PHLDB2: variants seen among roughly 807,000 people sequenced by gnomAD.
PHLDB2 encodes pleckstrin homology-like domain family B member 2.
A neutral mutation model predicts 123.6 loss-of-function variants in PHLDB2; 71 were observed. The observed-to-expected ratio is 0.57, with a 90% confidence interval of 0.47 to 0.70. PHLDB2 has a LOEUF of 0.70. Ranked by LOEUF, PHLDB2 falls within the 30% of genes least tolerant of loss-of-function variation. The pLI, the probability that PHLDB2 is intolerant of heterozygous loss-of-function variation, is 0.00. For synonymous variants in PHLDB2, 547 were observed against 541.6 expected (o/e 1.01, Z -0.14); for missense variants, 1,446 against 1,519.5 (o/e 0.95, Z 0.80).
chr3:111,938,249 T>TA (rs1374660257), intron 6 of PHLDB2, among the ~76,000 whole-genome samples: 1 of 152,274 alleles, frequency 6.6e-6, no homozygotes, highest in East Asian at 1.9e-4. Flanking sequence ...CAGCAGAACT[T>TA]ACAGACATTT....
At chr3:111,814,424 C>G (rs1039881609) in intron 1 of PHLDB2, among the ~76,000 whole-genome samples, 23 of 152,130 alleles carry the variant, frequency 1.5e-4, no homozygotes, top group Admixed American at 1.4e-3. Context: ...CTCCTTGCTC[C>G]TGAACTTGAA....
intron 1 of PHLDB2, among the ~76,000 whole-genome samples, chr3:111,774,460 GC>G (rs780026992): frequency 1.3e-4 from 20 of 152,208 alleles, no homozygotes; most frequent in Non-Finnish European, 2.5e-4. Flanking sequence ...AGGGATGCGA[GC>G]CCCGAGTGGC....
chr3:111,885,062 C>T lies in PHLDB2; in HGVS notation c.985C>T (p.Leu329Phe). The change falls in exon 2 of 18, where the codon CTC becomes TTC. Residue 329 changes from leucine (L) to phenylalanine (F), a missense_variant. Around this residue, in one of 3 missense-constraint regions of PHLDB2, gnomAD observed 832 missense variants for 831.9 expected, o/e 1.00. Transcript: ENST00000431670. ...AGGCAATCCTTATGTAAGTTCTACC[C>T]TCAGTGTCCCTGCCAGTCCACGAGT... is the stretch of plus-strand genomic sequence containing the variant. ...SEGNPYVSST[L>F]SVPASPRVAR... 2 of 1,614,210 alleles carry T rather than the reference C, an allele frequency of 1.2e-6. No individual in the cohort carries two copies. Among genetic ancestry groups the T allele is most frequent in the Admixed American group, 1.7e-5 (1 of 60,024 alleles).
intron 1 of PHLDB2, among the ~76,000 whole-genome samples, chr3:111,844,627 C>T (rs533817535): frequency 3.7e-4 from 57 of 152,274 alleles, no homozygotes; most frequent in Non-Finnish European, 6.3e-4. Flanking sequence ...ATTTTTCTAC[C>T]TCCAATTCTG....
chr3:111,898,162 T>TGTGTGTG (rs2066976800), intron 2 of PHLDB2, among the ~76,000 whole-genome samples: 2 of 135,980 alleles, frequency 1.5e-5, no homozygotes, highest in East Asian at 4.6e-4. Context: ...GGCAATTTCT[T>TGTGTGTG]TGTGTGTGTG....
At chr3:111,828,125 T>C (rs2108451952) in intron 1 of PHLDB2, among the ~76,000 whole-genome samples, 1 of 152,316 alleles carries the variant, frequency 6.6e-6, no homozygotes, top group Middle Eastern at 3.4e-3. Context: ...TGAGGTCAGC[T>C]AGCTCTCAAC....
At chr3:111,956,387 A>G (rs1406824001) in intron 12 of PHLDB2, among the ~76,000 whole-genome samples, 2 of 152,202 alleles carry the variant, frequency 1.3e-5, no homozygotes, top group Non-Finnish European at 2.9e-5. Context: ...AGTAATGGGA[A>G]TCCCATGCCA....
intron 1 of PHLDB2, among the ~76,000 whole-genome samples, chr3:111,752,258 G>A (rs370024082): frequency 6.7e-6 from 1 of 148,418 alleles, no homozygotes; most frequent in Non-Finnish European, 1.5e-5. Flanking sequence ...CTGTGTGTGT[G>A]TGTGTGTGCA....
At chr3:111,959,538 A>G (rs2071264216) in intron 12 of PHLDB2, among the ~76,000 whole-genome samples, 1 of 152,356 alleles carries the variant, frequency 6.6e-6, no homozygotes, top group African/African-American at 2.4e-5. Context: ...TGGGAGATTC[A>G]GTCGTAGAGT....
chr3:111,920,552 G>A, intron 5 of PHLDB2, 133 bp downstream of exon 5: 9 of 1,124,554 alleles, frequency 8.0e-6, no homozygotes, highest in Non-Finnish European at 9.8e-6. Flanking sequence ...TGGCACTAGA[G>A]AAAAATCCTA....
Position 111,967,835 on chromosome 3 carries a change from C to T in PHLDB2, c.3315+11C>T, listed in dbSNP as rs2071876074. On this transcript the variant is annotated intron_variant, in intron 15 of 17. Coordinates refer to ENST00000431670, the MANE Select transcript of PHLDB2 (RefSeq NM_001134438.2). ...AGACAAAGGGCACAGGTTGGTCGGTCAATCTGAATGCATATGGGCAGGTTG... is the reference window on the plus strand; with the variant it reads ...AGACAAAGGGCACAGGTTGGTCGGTTAATCTGAATGCATATGGGCAGGTTG... The T allele has an allele frequency of 6.2e-7, 1 of 1,601,856 alleles. No homozygotes were observed. The highest frequency in any genetic ancestry group is 2.2e-5 in the East Asian group (1 of 44,784).
intron 5 of PHLDB2, among the ~76,000 whole-genome samples, chr3:111,921,635 A>G (rs112650557): frequency 8.0e-6 from 1 of 125,092 alleles, no homozygotes; most frequent in African/African-American, 3.1e-5. Flanking sequence ...ACGGAGTCTC[A>G]CTCTGTCGCC....
chr3:111,780,053 A>G (rs1207270293), intron 1 of PHLDB2, among the ~76,000 whole-genome samples: 1 of 151,732 alleles, frequency 6.6e-6, no homozygotes, highest in African/African-American at 2.4e-5. Context: ...AAGTTCTCAG[A>G]TGTTCACTTC....
chr3:111,795,101 TAAC>T (rs1246757806), intron 1 of PHLDB2, among the ~76,000 whole-genome samples: 1 of 152,192 alleles, frequency 6.6e-6, no homozygotes, highest in Non-Finnish European at 1.5e-5. Flanking sequence ...TCATGAGTGG[TAAC>T]AACTAATGTC....
intron 8 of PHLDB2, 127 bp from the exon 9 acceptor site, chr3:111,945,141 G>T: frequency 1.5e-6 from 1 of 681,888 alleles, no homozygotes. Context: ...GACTGAGTAT[G>T]ATGAGAGGAA....
At chr3:111,820,768 C>A (rs1374407589) in intron 1 of PHLDB2, among the ~76,000 whole-genome samples, 1 of 152,176 alleles carries the variant, frequency 6.6e-6, no homozygotes, top group African/African-American at 2.4e-5. Flanking sequence ...GAAGATAGGG[C>A]CAGAGGGGCA....
At position 111,948,980 on chromosome 3, in the gene PHLDB2, A is replaced by G; in HGVS notation, c.2536A>G (p.Asn846Asp). The change falls in exon 10 of 18, where the codon AAT (asparagine) becomes GAT (aspartate). Residue 846 changes from asparagine to aspartate, a missense_variant. Around this residue, in one of 3 missense-constraint regions of PHLDB2, gnomAD observed 594 missense variants for 646.0 expected, o/e 0.92. Coordinates refer to ENST00000431670, the MANE Select transcript of PHLDB2 (RefSeq NM_001134438.2). Reference protein sequence around the residue: ...EINEPCGNSTNLSPSTQFPAD... With the variant: ...EINEPCGNSTDLSPSTQFPAD... ...TAATGAGCCGTGTGGCAATTCCACGAATCTATCCCCTTCCACTCAGTTTCC... is the reference window on the plus strand; with the variant it reads ...TAATGAGCCGTGTGGCAATTCCACGGATCTATCCCCTTCCACTCAGTTTCC... The G allele has an allele frequency of 6.2e-7, 1 of 1,614,024 alleles. No homozygotes were observed. The highest frequency in any genetic ancestry group is 8.5e-7 in the Non-Finnish European group (1 of 1,179,952).
chr3:111,758,074 C>T (rs1301712296), intron 1 of PHLDB2, among the ~76,000 whole-genome samples: 1 of 152,178 alleles, frequency 6.6e-6, no homozygotes, highest in Non-Finnish European at 1.5e-5. Context: ...CTTGAGGAGG[C>T]AGTCTGCCCG....
At position 111,780,399 on chromosome 3, in the gene PHLDB2, A is replaced by AGAAGAGGAAGAAGAAGAAGAAG. The variant is rs2060407560; in HGVS notation, c.-49+47701_-49+47702insGGAAGAAGAAGAAGAAGGAAGA. The stretch of plus-strand genomic sequence containing the variant: ...AAGAAGAAGAAGAAGAAGAAGAAGA[A>AGAAGAGGAAGAAGAAGAAGAAG]GAAGAAGAAGAAAAAGATTAGTTCG... On this transcript the variant is annotated intron_variant, in intron 1 of 17. Coordinates refer to the PHLDB2 transcript ENST00000393923. Among the ~76,000 whole-genome samples, 202 of 74,452 alleles carry AGAAGAGGAAGAAGAAGAAGAAG rather than the reference A, an allele frequency of 2.7e-3. 43 individuals carry two copies. Among genetic ancestry groups the AGAAGAGGAAGAAGAAGAAGAAG allele is most frequent in the Non-Finnish European group, 4.2e-3 (144 of 34,318 alleles). The allele number at this position is 74,452 out of a possible 152,430, so 48.8% of individuals were successfully genotyped here. A position where few individuals can be genotyped will look rare whatever the true frequency, so the allele number is the denominator to read the frequency against.
Sources: allele counts gnomAD v4.1 joint callset (sites outside exome capture counted in the v4.1 genomes callset), GRCh38; gene constraint gnomAD v4.1.1; regional missense constraint gnomAD v4.1.1; transcripts MANE v1.5; gene names NCBI Gene and HGNC (gene_info 2026-07-23, HGNC 2026-07-21).